Variants in ADAM18 observed in about 807,000 individuals in gnomAD.
The protein encoded by ADAM18 is ADAM metallopeptidase domain 18.
In ADAM18, 117 loss-of-function variants were observed where a neutral mutation model predicts 94.4. The observed-to-expected ratio is 1.24, with a 90% confidence interval of 1.07 to 1.45. ADAM18 has a LOEUF of 1.45. Among genes scored for constraint, ADAM18 ranks in the 40% most tolerant of loss-of-function variants. The pLI, the probability that ADAM18 is intolerant of heterozygous loss-of-function variation, is 0.00. For missense variants in ADAM18, 936 were observed against 880.0 expected, an observed-to-expected ratio of 1.06 and a Z score of -0.81; for synonymous variants, 327 against 291.6, an observed-to-expected ratio of 1.12 and a Z score of -1.24.
At chr8:39,623,872 CATT>C (rs1202425772) in intron 6 of ADAM18, among the ~76,000 whole-genome samples, 2 of 151,994 alleles carry the variant, frequency 1.3e-5, no homozygotes, top group African/African-American at 4.8e-5. Context: ...CTGGGATTAT[CATT>C]ATAGTTTTAA....
At position 39,703,552 on chromosome 8, in the gene ADAM18, T is replaced by A. The variant is rs138722641; in HGVS notation, c.1903-3238T>A. On this transcript the variant is annotated intron_variant, in intron 17 of 19. Transcript: ENST00000265707. ...GATTGGTGAGAGAGGGCACCTTAGC[T>A]CATGTCAGTTTTCAAGGGGAAATGC... Among the ~76,000 whole-genome samples the A allele has an allele frequency of 8.7e-3, 1,318 of 152,110 alleles. 17 individuals carry two copies. Among genetic ancestry groups the A allele is most frequent in the African/African-American group, 0.03 (1,247 of 41,518 alleles).
chr8:39,596,028 A>ATTTT (rs1818731104), intron 2 of ADAM18, among the ~76,000 whole-genome samples: 2 of 152,240 alleles, frequency 1.3e-5, no homozygotes, highest in Non-Finnish European at 2.9e-5. Context: ...AAGAATTTCT[A>ATTTT]AAATAAACTG....
intron 18 of ADAM18, among the ~76,000 whole-genome samples, chr8:39,714,208 A>G (rs1822504037): frequency 6.6e-6 from 1 of 152,184 alleles, no homozygotes; most frequent in Non-Finnish European, 1.5e-5. Flanking sequence ...CAAGCACTGC[A>G]TGTTCTCACT....
At chr8:39,655,867 C>T (rs2129579828) in intron 12 of ADAM18, among the ~76,000 whole-genome samples, 1 of 151,636 alleles carries the variant, frequency 6.6e-6, no homozygotes, top group Admixed American at 6.6e-5. Flanking sequence ...AAAACAACAG[C>T]ATCTACAATA....
intron 7 of ADAM18, among the ~76,000 whole-genome samples, chr8:39,633,391 C>T (rs138904048): frequency 1.3e-5 from 2 of 152,160 alleles, no homozygotes; most frequent in African/African-American, 2.4e-5. Flanking sequence ...GATGAGAGCT[C>T]ATAAGAAGAG....
intron 10 of ADAM18, 43 bp from the exon 11 acceptor site, chr8:39,645,294 AT>A: frequency 6.6e-7 from 1 of 1,509,218 alleles, no homozygotes; most frequent in South Asian, 1.2e-5. Context: ...TATTACTTTT[AT>A]TTTCACACAT....
chr8:39,595,943 G>A (rs1026753514), intron 2 of ADAM18, among the ~76,000 whole-genome samples: 4 of 152,136 alleles, frequency 2.6e-5, no homozygotes, highest in African/African-American at 9.7e-5. Context: ...AGCTTTAAGA[G>A]GGAAGAACTT....
intron 7 of ADAM18, 25 bp downstream of exon 7, chr8:39,629,464 T>C (rs1819871988): frequency 6.8e-7 from 1 of 1,471,808 alleles, no homozygotes; most frequent in Non-Finnish European, 9.2e-7. Flanking sequence ...AAGAGGTCTT[T>C]CAAGAAGGAA....
intron 17 of ADAM18, among the ~76,000 whole-genome samples, chr8:39,693,783 T>C (rs1821846508): frequency 6.6e-6 from 1 of 151,232 alleles, no homozygotes; most frequent in Non-Finnish European, 1.5e-5. Context: ...TCTACATATG[T>C]TATATTTTGT....
At chr8:39,706,435 A>G (rs1822244376) in intron 17 of ADAM18, among the ~76,000 whole-genome samples, 2 of 152,136 alleles carry the variant, frequency 1.3e-5, no homozygotes, top group Non-Finnish European at 2.9e-5. Context: ...CCAAATAGTG[A>G]CAACGAATGT....
intron 18 of ADAM18, among the ~76,000 whole-genome samples, chr8:39,707,636 A>G (rs1215685178): frequency 6.6e-6 from 1 of 152,164 alleles, no homozygotes; most frequent in Non-Finnish European, 1.5e-5. Flanking sequence ...TAGTTTCCTT[A>G]TTAAGGAAAA....
rs150747980 is a variant in ADAM18, at chr8:39,621,606, A to G, written c.523-7768A>G. Among the ~76,000 whole-genome samples, 705 of 152,194 alleles carry G rather than the reference A, an allele frequency of 4.6e-3. 2 individuals carry two copies. The highest frequency in any genetic ancestry group is 6.8e-3 in the Non-Finnish European group (465 of 68,000). ...TAATTTATTTAAATGCTCAGATACTAAAGATATTTATTTTTGTTTTGAGAC... is the reference window on the plus strand; with the variant it reads ...TAATTTATTTAAATGCTCAGATACTGAAGATATTTATTTTTGTTTTGAGAC... On this transcript the variant is annotated intron_variant, in intron 6 of 19. Transcript: ENST00000265707.
At chr8:39,666,925 A>C (rs1328693122) in intron 13 of ADAM18, among the ~76,000 whole-genome samples, 1 of 152,008 alleles carries the variant, frequency 6.6e-6, no homozygotes, top group African/African-American at 2.4e-5. Context: ...GTTTGTGTGC[A>C]TGTGTGTGAC....
At chr8:39,676,710 T>A (rs1821312518) in intron 14 of ADAM18, among the ~76,000 whole-genome samples, 1 of 152,172 alleles carries the variant, frequency 6.6e-6, no homozygotes, top group Non-Finnish European at 1.5e-5. Context: ...AATGCAGAAA[T>A]CACCCATCTT....
intron 7 of ADAM18, among the ~76,000 whole-genome samples, chr8:39,630,131 G>C (rs900800875): frequency 6.6e-6 from 1 of 151,846 alleles, no homozygotes; most frequent in Admixed American, 6.6e-5. Flanking sequence ...TTCAATAATA[G>C]TAGTGTTTAT....
At chr8:39,590,686 A>AT (rs1177201954) in intron 2 of ADAM18, among the ~76,000 whole-genome samples, 2 of 152,192 alleles carry the variant, frequency 1.3e-5, no homozygotes, top group African/African-American at 2.4e-5. Flanking sequence ...TCCAAAATAA[A>AT]TTTTTTCTAG....
intron 14 of ADAM18, among the ~76,000 whole-genome samples, chr8:39,673,471 C>T (rs147556006): frequency 1.3e-5 from 2 of 151,808 alleles, no homozygotes; most frequent in African/African-American, 4.8e-5. Context: ...TCTCCCCACA[C>T]CCCACCCCCC....
chr8:39,634,845 G>C (rs1489065148), intron 7 of ADAM18, among the ~76,000 whole-genome samples: 1 of 152,154 alleles, frequency 6.6e-6, no homozygotes, highest in African/African-American at 2.4e-5. Flanking sequence ...GAACAAGTTA[G>C]GATTTTTTAG....
intron 6 of ADAM18, among the ~76,000 whole-genome samples, chr8:39,618,176 G>C (rs907631784): frequency 6.6e-6 from 1 of 152,110 alleles, no homozygotes; most frequent in Non-Finnish European, 1.5e-5. Flanking sequence ...AATGCAACGA[G>C]GCTCTCTCTT....
Sources: gnomAD v4.1 joint callset for allele counts (sites outside exome capture counted in the v4.1 genomes callset) on GRCh38, gnomAD v4.1.1 for gene constraint, MANE v1.5 for transcripts, NCBI Gene and HGNC (gene_info 2026-07-23, HGNC 2026-07-21) for gene names.